Variants in SEMA3E observed in about 807,000 individuals in gnomAD.
The protein encoded by SEMA3E is semaphorin-3E.
A neutral mutation model predicts 93.6 loss-of-function variants in SEMA3E; 49 were observed. The observed-to-expected ratio is 0.52, with a 90% CI of 0.42 to 0.66. The LOEUF is 0.66. Among genes scored for constraint, SEMA3E ranks in the 30% least tolerant of loss-of-function variants. The pLI is 0.00. For missense variants in SEMA3E, 906 were observed against 964.8 expected (o/e 0.94, Z 0.81); for synonymous variants, 363 against 330.7 (o/e 1.10, Z -1.06).
At chr7:83,470,173 G>C (rs1789862520) in intron 2 of SEMA3E, among the ~76,000 whole-genome samples, 1 of 152,016 alleles carries the variant, frequency 6.6e-6, no homozygotes, top group African/African-American at 2.4e-5. Context: ...TATATTTTAA[G>C]TTTGTTGGTT....
At chr7:83,610,633 T>A (rs1166943587) in intron 1 of SEMA3E, among the ~76,000 whole-genome samples, 1 of 152,078 alleles carries the variant, frequency 6.6e-6, no homozygotes, top group Non-Finnish European at 1.5e-5. Flanking sequence ...AAAACCCATA[T>A]GTTGAAGTCC....
chr7:83,387,901 T>G (rs1374490253), intron 14 of SEMA3E, among the ~76,000 whole-genome samples: 1 of 147,038 alleles, frequency 6.8e-6, no homozygotes, highest in Non-Finnish European at 1.5e-5. Flanking sequence ...TAACATTATA[T>G]ATATAAAATT....
rs118125084 is a variant in SEMA3E, at chr7:83,594,450, C to T, written c.115+53978G>A. 1.1e-3 allele frequency among the ~76,000 whole-genome samples: 172 copies of T among 152,204 alleles called. 1 individual carries two copies. The highest frequency in any genetic ancestry group is 3.4e-3 in the Middle Eastern group (1 of 294). ...AGGAAACAAGTGGAAAAGGATCAGA[C>T]TAATCAGTGCTGGAATTTAAAGGAC... is the stretch of plus-strand genomic sequence containing the variant. On this transcript the variant is annotated intron_variant, in intron 1 of 16. Transcript: ENST00000643230.
At chr7:83,457,762 T>C (rs1324689950) in intron 4 of SEMA3E, among the ~76,000 whole-genome samples, 1 of 152,206 alleles carries the variant, frequency 6.6e-6, no homozygotes, top group Non-Finnish European at 1.5e-5. Flanking sequence ...CTCCGTGCTG[T>C]CTTTACAATA....
At position 83,367,758 on chromosome 7, in the gene SEMA3E, T is replaced by C; in HGVS notation, c.2156A>G (p.Tyr719Cys). The change falls in exon 17 of 17, where the codon TAT (tyrosine) becomes TGT (cysteine). Residue 719 changes from tyrosine to cysteine, a missense_variant. Tyr to Cys is a radical substitution (Grantham distance 194). Transcript: ENST00000643230. ...WYKEFLQLIGYSNFQRVEEYC... is the reference protein window; with the variant it reads ...WYKEFLQLIGCSNFQRVEEYC... ...TTCTTCCACTCTCTGGAAGTTGCTA[T>C]AACCGATCAGCTGCAAGAATTCCTT... 1.2e-6 allele frequency: 2 copies of C among 1,614,136 alleles called. No individual in the cohort carries two copies. The highest frequency in any genetic ancestry group is 1.7e-6 in the Non-Finnish European group (2 of 1,180,014).
chr7:83,485,222 A>G (rs1425764346), intron 2 of SEMA3E, among the ~76,000 whole-genome samples: 1 of 152,252 alleles, frequency 6.6e-6, no homozygotes, highest in Non-Finnish European at 1.5e-5. Flanking sequence ...TGCTATATTC[A>G]TATGATGGAA....
intron 1 of SEMA3E, among the ~76,000 whole-genome samples, chr7:83,500,811 G>A (rs993402766): frequency 1.3e-5 from 2 of 151,778 alleles, no homozygotes; most frequent in Non-Finnish European, 2.9e-5. Context: ...GGCTGGTCTC[G>A]AACTCCTAAC....
intron 1 of SEMA3E, among the ~76,000 whole-genome samples, chr7:83,621,569 A>T (rs1793556258): frequency 6.6e-6 from 1 of 152,238 alleles, no homozygotes; most frequent in Admixed American, 6.5e-5. Context: ...ACAAAGCTGG[A>T]GGCATCACAC....
chr7:83,473,777 T>C (rs1016088414), intron 2 of SEMA3E, among the ~76,000 whole-genome samples: 5 of 151,696 alleles, frequency 3.3e-5, no homozygotes, highest in Non-Finnish European at 7.4e-5. Context: ...CATATTTGTT[T>C]GAATCCTAAA....
At position 83,367,707 on chromosome 7, in the gene SEMA3E, T is replaced by G; in HGVS notation, c.2207A>C (p.Asp736Ala). 1 of 1,614,064 alleles carries G rather than the reference T, an allele frequency of 6.2e-7. No homozygotes were observed. Among genetic ancestry groups the G allele is most frequent in the Non-Finnish European group, 8.5e-7 (1 of 1,179,994 alleles). ...CATTTTAAGCTTTTTCCTCTTTCTA[T>G]CTGTGCACCATACTTTCTCGCAGTA... ...EEYCEKVWCT[D>A]RKRKKLKMSP... is the part of the protein sequence containing the mutation. Residue 736 changes from aspartate (D) to alanine (A), a missense_variant, in exon 17 of 17, where the codon GAT (aspartate) becomes GCT (alanine). Coordinates refer to ENST00000643230, the MANE Select transcript of SEMA3E (RefSeq NM_012431.3).
chr7:83,564,129 T>A (rs966549287), intron 1 of SEMA3E, among the ~76,000 whole-genome samples: 1 of 152,208 alleles, frequency 6.6e-6, no homozygotes, highest in Non-Finnish European at 1.5e-5. Context: ...TCACTTTCTC[T>A]AAAAAGCCAT....
intron 9 of SEMA3E, among the ~76,000 whole-genome samples, chr7:83,403,750 C>A (rs1788275502): frequency 6.6e-6 from 1 of 151,878 alleles, no homozygotes; most frequent in South Asian, 2.1e-4. Context: ...CCCCAATTTA[C>A]ACATTTTATA....
intron 1 of SEMA3E, among the ~76,000 whole-genome samples, chr7:83,499,637 T>C (rs532877425): frequency 1.5e-4 from 23 of 152,294 alleles, no homozygotes; most frequent in Non-Finnish European, 3.1e-4. Context: ...GGCCTTTAAA[T>C]GTAGAAATTC....
At chr7:83,618,019 C>T (rs1303203302) in intron 1 of SEMA3E, among the ~76,000 whole-genome samples, 1 of 151,972 alleles carries the variant, frequency 6.6e-6, no homozygotes, top group Non-Finnish European at 1.5e-5. Context: ...GCCCTTTGTG[C>T]ATTTTGCTTT....
intron 16 of SEMA3E, among the ~76,000 whole-genome samples, chr7:83,380,705 C>G (rs1174479061): frequency 1.3e-5 from 2 of 151,894 alleles, no homozygotes; most frequent in Non-Finnish European, 2.9e-5. Context: ...ATATAATTAT[C>G]TGTTTGCACT....
At chr7:83,602,650 G>A (rs560799548) in intron 1 of SEMA3E, among the ~76,000 whole-genome samples, 49 of 152,100 alleles carry the variant, frequency 3.2e-4, no homozygotes, top group African/African-American at 1.0e-3. Flanking sequence ...GCTAATTATC[G>A]TATTTTTAGT....
intron 1 of SEMA3E, among the ~76,000 whole-genome samples, chr7:83,523,794 G>A (rs1176705464): frequency 1.2e-4 from 18 of 151,974 alleles, no homozygotes; most frequent in Admixed American, 1.2e-3. Flanking sequence ...TAAAATTACA[G>A]TAAATAATAT....
chr7:83,406,663 G>T (rs1373012096), intron 7 of SEMA3E, among the ~76,000 whole-genome samples: 1 of 151,894 alleles, frequency 6.6e-6, no homozygotes, highest in Non-Finnish European at 1.5e-5. Context: ...GGTTTTAAAT[G>T]TTCCCAAACA....
intron 4 of SEMA3E, among the ~76,000 whole-genome samples, chr7:83,463,021 G>A (rs1789662732): frequency 7.0e-6 from 1 of 143,612 alleles, no homozygotes; most frequent in Non-Finnish European, 1.5e-5. Context: ...AGGCTGTACT[G>A]CCGCAAAGCT....
Sources: gnomAD v4.1 joint callset for allele counts (sites outside exome capture counted in the v4.1 genomes callset) on GRCh38, gnomAD v4.1.1 for gene constraint, MANE v1.5 for transcripts, NCBI Gene and HGNC (gene_info 2026-07-23, HGNC 2026-07-21) for gene names.